Variants in SPMIP11 observed in about 807,000 individuals in gnomAD.
The protein encoded by SPMIP11 is long intergenic non-protein coding RNA 935.
At chr12:48,734,128 A>G in the SPMIP11 span, among the ~76,000 whole-genome samples, 1 of 151,948 alleles carries the variant, frequency 6.6e-6, no homozygotes, top group African/African-American at 2.4e-5. Context: ...GTTTAGAGAC[A>G]GGGTCTTGCT....
chr12:48,742,377 G>A, the SPMIP11 span, among the ~76,000 whole-genome samples: 8 of 147,568 alleles, frequency 5.4e-5, no homozygotes, highest in Non-Finnish European at 1.2e-4. Context: ...CACCTCCCAG[G>A]TTCAAGCGAT....
At chr12:48,769,518 G>C in the SPMIP11 span, among the ~76,000 whole-genome samples, 6 of 150,830 alleles carry the variant, frequency 4.0e-5, no homozygotes, top group African/African-American at 1.5e-4. Context: ...TGCTATAACA[G>C]TAATCTCCTG....
chr12:48,764,907 T>C, the SPMIP11 span: 1 of 702,816 alleles, frequency 1.4e-6, no homozygotes, highest in African/African-American at 1.7e-5. Context: ...CAGCTTCTGG[T>C]GGTCCCATGA....
chr12:48,768,795 A>G, the SPMIP11 span: 2 of 1,570,554 alleles, frequency 1.3e-6, no homozygotes, highest in African/African-American at 1.3e-5. Flanking sequence ...TTCTCTAGTC[A>G]GGCTAGCTCC....
the SPMIP11 span, chr12:48,768,925 T>C: frequency 6.2e-7 from 1 of 1,600,732 alleles, no homozygotes; most frequent in African/African-American, 1.3e-5. Flanking sequence ...CCCCTGCTCA[T>C]ATCCCCCTCA....
chr12:48,742,082 TA>T, the SPMIP11 span, among the ~76,000 whole-genome samples: 1 of 151,834 alleles, frequency 6.6e-6, no homozygotes, highest in African/African-American at 2.4e-5. Flanking sequence ...ACTACAATTT[TA>T]AAAAAAATTT....
chr12:48,768,608 C>T, the SPMIP11 span: 8 of 1,614,134 alleles, frequency 5.0e-6, no homozygotes, highest in African/African-American at 1.3e-5. Flanking sequence ...CTGGGGCCCC[C>T]ATTGAGGAAG....
chr12:48,731,451 A>G, the SPMIP11 span, among the ~76,000 whole-genome samples: 888 of 152,044 alleles, frequency 5.8e-3, 7 homozygotes, highest in African/African-American at 0.02. Context: ...AGATTGCGCC[A>G]CTGCCCTCCA....
chr12:48,761,612 T>TA, the SPMIP11 span, among the ~76,000 whole-genome samples: 2,417 of 115,478 alleles, frequency 0.021, 31 homozygotes, highest in Middle Eastern at 0.075. Flanking sequence ...ACCCTGTCTT[T>TA]AAAAAAAAAA....
the SPMIP11 span, among the ~76,000 whole-genome samples, chr12:48,733,333 C>T: frequency 1.3e-5 from 2 of 152,014 alleles, no homozygotes; most frequent in Non-Finnish European, 2.9e-5. Context: ...CCTCGGCCTC[C>T]CAAAGTGCTG....
At chr12:48,752,781 C>G in the SPMIP11 span, among the ~76,000 whole-genome samples, 8 of 151,208 alleles carry the variant, frequency 5.3e-5, no homozygotes, top group South Asian at 2.1e-4. Context: ...AAGCGATTCT[C>G]CTGCCTCAGC....
the SPMIP11 span, chr12:48,767,592 G>A: frequency 1.3e-5 from 2 of 152,692 alleles, no homozygotes; most frequent in Non-Finnish European, 2.9e-5. Flanking sequence ...AGAGACTTGG[G>A]AGGGCAGGTT....
At chr12:48,753,766 A>G in the SPMIP11 span, among the ~76,000 whole-genome samples, 1 of 147,626 alleles carries the variant, frequency 6.8e-6, no homozygotes, top group Non-Finnish European at 1.5e-5. Flanking sequence ...CAGTGGCGCA[A>G]TATCGGCTCA....
chr12:48,737,852 C>T, the SPMIP11 span, among the ~76,000 whole-genome samples: 2 of 151,940 alleles, frequency 1.3e-5, no homozygotes. Context: ...AGACAGGGTC[C>T]TGCTCTGTCA....
the SPMIP11 span, among the ~76,000 whole-genome samples, chr12:48,749,983 G>A: frequency 8.0e-5 from 12 of 149,750 alleles, no homozygotes; most frequent in Middle Eastern, 3.4e-3. Context: ...GAGCCACCAC[G>A]CCCAGCCTAT....
At chr12:48,738,530 C>CT in the SPMIP11 span, among the ~76,000 whole-genome samples, 1 of 137,782 alleles carries the variant, frequency 7.3e-6, no homozygotes, top group African/African-American at 2.6e-5. Context: ...AACTTTCTTT[C>CT]TTTTTTTTCT....
At chr12:48,728,244 T>A in the SPMIP11 span, among the ~76,000 whole-genome samples, 3 of 152,162 alleles carry the variant, frequency 2.0e-5, no homozygotes, top group African/African-American at 7.2e-5. Flanking sequence ...TTGCAATATA[T>A]TGTATGATTA....
the SPMIP11 span, among the ~76,000 whole-genome samples, chr12:48,742,987 G>A: frequency 2.6e-5 from 4 of 152,240 alleles, no homozygotes; most frequent in South Asian, 2.1e-4. Context: ...AGTGGCTCAC[G>A]CCTATAATCC....
chr12:48,730,788 A>G, the SPMIP11 span, among the ~76,000 whole-genome samples: 6 of 152,164 alleles, frequency 3.9e-5, no homozygotes, highest in African/African-American at 1.4e-4. Context: ...AAATACAAAA[A>G]TTAGCCAGGC....
Sources: allele counts gnomAD v4.1 joint callset (sites outside exome capture counted in the v4.1 genomes callset), GRCh38; gene constraint gnomAD v4.1.1; transcripts MANE v1.5; gene names NCBI Gene and HGNC (gene_info 2026-07-23, HGNC 2026-07-21).